The following KCNK2 variants were observed in gnomAD, a reference collection of about 807,000 sequenced individuals.
KCNK2 encodes the protein potassium two pore domain channel subfamily K member 2.
A neutral mutation model predicts 40.5 loss-of-function variants in KCNK2; 21 were observed. That is an observed-to-expected ratio of 0.52 (90% CI 0.37 to 0.75). The LOEUF (loss-of-function observed/expected upper bound fraction) is 0.75. KCNK2 is among the 30% of genes least tolerant of loss of function. KCNK2 has a pLI of 0.00. For missense variants in KCNK2, 399 were observed against 531.6 expected, an observed-to-expected ratio of 0.75 and a Z score of 2.45; for synonymous variants, 191 against 202.2, an observed-to-expected ratio of 0.94 and a Z score of 0.47.
intron 1 of KCNK2, among the ~76,000 whole-genome samples, chr1:215,039,774 G>A (rs1449915509): frequency 6.6e-6 from 1 of 152,076 alleles, no homozygotes; most frequent in Non-Finnish European, 1.5e-5. Flanking sequence ...GCCATCGCAT[G>A]CAATTTGCTT....
chr1:215,089,887 C>T (rs556209666), intron 2 of KCNK2, among the ~76,000 whole-genome samples: 3 of 148,984 alleles, frequency 2.0e-5, no homozygotes, highest in Non-Finnish European at 3.0e-5. Flanking sequence ...AGTGCAATGG[C>T]GTGATCTCGG....
In KCNK2 at chr1:215,230,468, G is replaced by GAT. The variant is rs373897689; in HGVS notation, c.964-4350_964-4349dup. Among the ~76,000 whole-genome samples the GAT allele has an allele frequency of 9.3e-3, 1,098 of 117,444 alleles. 9 individuals are homozygous for GAT. Among genetic ancestry groups the GAT allele is most frequent in the Non-Finnish European group, 0.012 (688 of 59,522 alleles). The allele number at this position is 117,444 out of a possible 152,430, so 77.0% of individuals were successfully genotyped here. ...AAAAATCGTGTAGCTCATGGCTGTA[G>GAT]ATATATATATACACACACACACACA... On this transcript the variant is annotated intron_variant, in intron 6 of 6. Coordinates refer to ENST00000444842, the MANE Select transcript of KCNK2 (RefSeq NM_001017425.3).
chr1:215,065,631 C>T lies in KCNK2; in HGVS notation c.35-20737C>T, dbSNP rs181812948. On this transcript the variant is annotated intron_variant, in intron 1 of 6. Coordinates refer to the KCNK2 transcript ENST00000391895. ...GGTAAAAGGGATTTGTGAAGGCAAA[C>T]GATTTTAGGAACTTGTTCATGTAAT... 5.4e-4 allele frequency among the ~76,000 whole-genome samples: 82 copies of T among 152,234 alleles called. 1 individual carries two copies. Among genetic ancestry groups the T allele is most frequent in the Middle Eastern group, 6.8e-3 (2 of 292 alleles).
chr1:215,196,772 TC>T (rs1399246732), intron 6 of KCNK2, among the ~76,000 whole-genome samples: 2 of 151,984 alleles, frequency 1.3e-5, no homozygotes, highest in African/African-American at 4.8e-5. Context: ...TTCATGTGTA[TC>T]TTGAGATGCT....
At chr1:215,058,745 C>A (rs928835582) in intron 1 of KCNK2, among the ~76,000 whole-genome samples, 1 of 152,176 alleles carries the variant, frequency 6.6e-6, no homozygotes, top group Non-Finnish European at 1.5e-5. Flanking sequence ...GCAATCTACC[C>A]TGGAGCCACA....
intron 3 of KCNK2, among the ~76,000 whole-genome samples, chr1:215,156,086 T>G (rs150842462): frequency 6.6e-6 from 1 of 152,002 alleles, no homozygotes; most frequent in African/African-American, 2.4e-5. Flanking sequence ...TGTGTGTATA[T>G]ATATATATAA....
intron 3 of KCNK2, among the ~76,000 whole-genome samples, chr1:215,162,239 T>G (rs1158515884): frequency 4.6e-5 from 7 of 152,226 alleles, no homozygotes; most frequent in Non-Finnish European, 1.0e-4. Context: ...GAAGTGTATG[T>G]TCATATCCTT....
intron 3 of KCNK2, 26 bp downstream of exon 3, chr1:215,124,776 T>C (rs1661344467): frequency 7.5e-7 from 1 of 1,328,758 alleles, no homozygotes; most frequent in Non-Finnish European, 1.1e-6. Context: ...TTTTTGTTTT[T>C]TGTTTTGATA....
At chr1:215,151,713 C>G (rs1033488863) in intron 3 of KCNK2, among the ~76,000 whole-genome samples, 1 of 151,806 alleles carries the variant, frequency 6.6e-6, no homozygotes, top group East Asian at 1.9e-4. Flanking sequence ...CCATACAGTA[C>G]TTTCATATTA....
At chr1:215,061,505 G>GA (rs914216028) in intron 1 of KCNK2, among the ~76,000 whole-genome samples, 6 of 151,762 alleles carry the variant, frequency 4.0e-5, no homozygotes, top group Non-Finnish European at 7.4e-5. Context: ...AAAGTTAAAA[G>GA]AAAAAAAATC....
chr1:215,045,257 G>A (rs1435224131), intron 1 of KCNK2, among the ~76,000 whole-genome samples: 2 of 151,414 alleles, frequency 1.3e-5, no homozygotes, highest in Non-Finnish European at 2.9e-5. Context: ...AGAGTTAAAG[G>A]CAACTTTGGG....
chr1:215,080,548 C>T (rs143825871), upstream of KCNK2, among the ~76,000 whole-genome samples: 3 of 152,216 alleles, frequency 2.0e-5, no homozygotes, highest in East Asian at 1.9e-4. Context: ...GTAGGAATAA[C>T]GATTTCACTC....
intron 1 of KCNK2, among the ~76,000 whole-genome samples, chr1:215,017,318 A>G (rs976688291): frequency 6.6e-6 from 1 of 152,198 alleles, no homozygotes; most frequent in South Asian, 2.1e-4. Context: ...TATTCATAAT[A>G]GTCAAGGTAT....
At chr1:215,228,764 A>G (rs927656876) in intron 6 of KCNK2, among the ~76,000 whole-genome samples, 8 of 152,174 alleles carry the variant, frequency 5.3e-5, no homozygotes, top group Non-Finnish European at 7.4e-5. Flanking sequence ...CACCAAAAGC[A>G]TTATTTCTAT....
At chr1:215,056,644 T>C (rs1658181260) in intron 1 of KCNK2, among the ~76,000 whole-genome samples, 1 of 126,264 alleles carries the variant, frequency 7.9e-6, no homozygotes, top group Non-Finnish European at 1.6e-5. Context: ...TTGGTAGTGA[T>C]GGGGTCTCCT....
chr1:215,053,350 A>G (rs141274566), intron 1 of KCNK2, among the ~76,000 whole-genome samples: 5 of 152,324 alleles, frequency 3.3e-5, no homozygotes, highest in Admixed American at 6.5e-5. Context: ...GCAGAAATCA[A>G]TCAGTCAACT....
intron 2 of KCNK2, among the ~76,000 whole-genome samples, chr1:215,099,313 C>G (rs1456243410): frequency 6.6e-6 from 1 of 151,920 alleles, no homozygotes; most frequent in African/African-American, 2.4e-5. Context: ...TGGCCTCTAA[C>G]TTCATCCATG....
At chr1:215,213,454 T>C (rs982472774) in intron 6 of KCNK2, among the ~76,000 whole-genome samples, 2 of 152,004 alleles carry the variant, frequency 1.3e-5, no homozygotes, top group Middle Eastern at 3.4e-3. Context: ...ACTAAAAAAA[T>C]ACAAAAATTA....
Position 215,158,707 on chromosome 1 carries a change from G to A in KCNK2, c.476-10492G>A, listed in dbSNP as rs142570544. ...GAATATGACTGTAGAGACATTTGTCGTCTTATGCAAAAACAAACAAACAAA... is the reference window on the plus strand; with the variant it reads ...GAATATGACTGTAGAGACATTTGTCATCTTATGCAAAAACAAACAAACAAA... On this transcript the variant is annotated intron_variant, in intron 3 of 6. Coordinates refer to ENST00000444842, the MANE Select transcript of KCNK2 (RefSeq NM_001017425.3). Among the ~76,000 whole-genome samples, 140 of 152,164 alleles carry A rather than the reference G, an allele frequency of 9.2e-4. No individual in the cohort carries two copies. In the East Asian group the frequency reaches 0.021, roughly 23 times the overall value.
Sources: allele counts gnomAD v4.1 joint callset (sites outside exome capture counted in the v4.1 genomes callset), GRCh38; gene constraint gnomAD v4.1.1; transcripts MANE v1.5; gene names NCBI Gene and HGNC (gene_info 2026-07-23, HGNC 2026-07-21).